COG7: variants seen among roughly 807,000 people sequenced by gnomAD.
The protein encoded by COG7 is component of oligomeric golgi complex 7.
In COG7, 49 loss-of-function variants were observed where a neutral mutation model predicts 91.5. The observed-to-expected ratio is 0.54, with a 90% CI of 0.43 to 0.68. COG7 has a LOEUF of 0.68. Ranked by LOEUF, COG7 falls within the 30% of genes least tolerant of loss-of-function variation. The pLI is 0.00. For missense variants in COG7, 895 were observed against 961.3 expected (o/e 0.93, Z 0.91); for synonymous variants, 365 against 388.7 (o/e 0.94, Z 0.72).
intron 13 of COG7, 128 bp downstream of exon 13, chr16:23,403,566 C>T: frequency 8.3e-7 from 1 of 1,206,346 alleles, no homozygotes; most frequent in Non-Finnish European, 1.2e-6. Flanking sequence ...GTGGCTCTTT[C>T]CGGCTTGGGA....
chr16:23,399,010 C>T (rs1046022564), intron 13 of COG7, among the ~76,000 whole-genome samples: 1 of 133,504 alleles, frequency 7.5e-6, no homozygotes, highest in Non-Finnish European at 1.5e-5. Flanking sequence ...ACTCTAAAGC[C>T]AGCCCTGGAA....
At chr16:23,424,716 C>T in intron 7 of COG7, 33 bp downstream of exon 7, 2 of 1,610,144 alleles carry the variant, frequency 1.2e-6, no homozygotes, top group Non-Finnish European at 8.5e-7. Flanking sequence ...CGAGTAAAGA[C>T]AAGCTAGAGA....
intron 16 of COG7, chr16:23,390,407 T>C (rs1963174273): frequency 6.6e-6 from 1 of 152,148 alleles, no homozygotes; most frequent in Non-Finnish European, 1.5e-5. Context: ...TTTCGCCATG[T>C]TGGCCAGACT....
chr16:23,436,170 T>C (rs1964011065), intron 4 of COG7, among the ~76,000 whole-genome samples: 1 of 152,204 alleles, frequency 6.6e-6, no homozygotes, highest in Non-Finnish European at 1.5e-5. Context: ...TGCAGTGAAC[T>C]GTGATCACAT....
At chr16:23,416,864 T>G (rs1963663709) in intron 9 of COG7, 103 bp downstream of exon 9, 1 of 1,355,352 alleles carries the variant, frequency 7.4e-7, no homozygotes, top group Non-Finnish European at 1.0e-6. Context: ...CAGGTGCAAG[T>G]GTTTCCCAGG....
At chr16:23,393,886 C>T (rs1429272464) in intron 14 of COG7, among the ~76,000 whole-genome samples, 2 of 151,884 alleles carry the variant, frequency 1.3e-5, no homozygotes, top group African/African-American at 4.8e-5. Context: ...ACTAAAAGTA[C>T]AAAAATTAGC....
intron 1 of COG7, chr16:23,447,109 G>A (rs1250320223): frequency 1.3e-5 from 2 of 152,112 alleles, no homozygotes; most frequent in African/African-American, 2.4e-5. Context: ...CCCAGTTGAA[G>A]CCACTATCAT....
intron 4 of COG7, among the ~76,000 whole-genome samples, chr16:23,441,130 G>A (rs1186109514): frequency 1.3e-5 from 2 of 152,216 alleles, no homozygotes; most frequent in East Asian, 1.9e-4. Context: ...TAGGTGAAAA[G>A]GGCTGACGCT....
At chr16:23,444,704 T>C (rs1391818548) in intron 3 of COG7, among the ~76,000 whole-genome samples, 1 of 151,676 alleles carries the variant, frequency 6.6e-6, no homozygotes, top group Non-Finnish European at 1.5e-5. Context: ...GGGGGTCTCA[T>C]TATTTTGCCC....
rs368607137 is a variant in COG7, at chr16:23,413,492, G to T, written c.1365C>A (p.Asn455Lys). The T allele has an allele frequency of 9.3e-6, 15 of 1,612,354 alleles. No homozygotes were observed. In the African/African-American group the frequency reaches 1.9e-4, roughly 20 times the overall value. ...KKCKLDHIPP[N>K]SLFQEDWTAF... ...CCGTCCAATCTTCCTGGAAGAGGGA[G>T]TTGGGAGGAATGTGGTCCAGTTTGC... is the stretch of plus-strand genomic sequence containing the variant. The change falls in exon 10 of 17, where the codon AAC becomes AAA. Residue 455 changes from asparagine (N) to lysine (K), a missense_variant. Transcript: ENST00000307149.
intron 4 of COG7, among the ~76,000 whole-genome samples, chr16:23,440,668 GC>G (rs942227263): frequency 1.2e-4 from 18 of 151,848 alleles, no homozygotes; most frequent in Non-Finnish European, 2.2e-4. Flanking sequence ...TGATACCTCG[GC>G]TTGTCTCAAA....
At chr16:23,411,560 T>C (rs1963562215) in intron 10 of COG7, among the ~76,000 whole-genome samples, 1 of 152,210 alleles carries the variant, frequency 6.6e-6, no homozygotes, top group Admixed American at 6.5e-5. Flanking sequence ...GCAGGTTTGT[T>C]AATAGGTAAA....
At chr16:23,446,206 C>G (rs1647299356) in intron 1 of COG7, among the ~76,000 whole-genome samples, 1 of 152,136 alleles carries the variant, frequency 6.6e-6, no homozygotes, top group African/African-American at 2.4e-5. Flanking sequence ...CACAAAGAAT[C>G]AACAATCAAC....
chr16:23,445,969 TAAA>T lies in COG7; in HGVS notation c.170-11_170-9del, dbSNP rs71379679. On this transcript the variant is annotated splice_polypyrimidine_tract_variant and intron_variant, in intron 1 of 16. Coordinates refer to ENST00000307149, the MANE Select transcript of COG7 (RefSeq NM_153603.4). ...GAGCTTGGTGACTTGTTTCTGTAGTTAAAAAAAAAAAAAAAAACAACAACAACA... is the reference window on the plus strand; with the variant it reads ...GAGCTTGGTGACTTGTTTCTGTAGTTAAAAAAAAAAAAAACAACAACAACA... 3,970 of 1,471,896 alleles carry T rather than the reference TAAA, an allele frequency of 2.7e-3. No individual in the cohort carries two copies. Among genetic ancestry groups the T allele is most frequent in the Admixed American group, 4.5e-3 (228 of 50,682 alleles). The allele number at this position is 1,471,896 out of a possible 1,614,324, so 91.2% of individuals were successfully genotyped here.
At chr16:23,396,907 A>G (rs1423268280) in intron 14 of COG7, among the ~76,000 whole-genome samples, 1 of 128,646 alleles carries the variant, frequency 7.8e-6, no homozygotes, top group Non-Finnish European at 1.9e-5. Context: ...TACAACATGT[A>G]CTTTTTTCTT....
intron 14 of COG7, 110 bp from the exon 15 acceptor site, chr16:23,393,457 G>T: frequency 1.3e-6 from 1 of 779,334 alleles, no homozygotes; most frequent in Non-Finnish European, 2.3e-6. Flanking sequence ...GCTAGACCTC[G>T]GGTGATCCCA....
intron 14 of COG7, among the ~76,000 whole-genome samples, chr16:23,396,095 A>G (rs1257141261): frequency 6.6e-6 from 1 of 152,192 alleles, no homozygotes; most frequent in Non-Finnish European, 1.5e-5. Flanking sequence ...CACCTGTCTC[A>G]TGGACATGAT....
At chr16:23,434,788 G>T in intron 4 of COG7, 70 bp from the exon 5 acceptor site, 1 of 964,084 alleles carries the variant, frequency 1.0e-6, no homozygotes, top group Non-Finnish European at 1.7e-6. Flanking sequence ...AAACTCACCA[G>T]GATGAAGGTG....
chr16:23,452,684 G>A, intron 1 of COG7, 142 bp downstream of exon 1: 1 of 1,452,460 alleles, frequency 6.9e-7, no homozygotes, highest in African/African-American at 1.4e-5. Context: ...GACGTGATCA[G>A]GAGTTCGGGG....
Sources: allele counts gnomAD v4.1 joint callset (sites outside exome capture counted in the v4.1 genomes callset), GRCh38; gene constraint gnomAD v4.1.1; transcripts MANE v1.5; gene names NCBI Gene and HGNC (gene_info 2026-07-23, HGNC 2026-07-21).